Variants in FLT3LG observed in about 807,000 individuals in gnomAD.
FLT3LG encodes fms-related tyrosine kinase 3 ligand.
Under a neutral mutation model 30.9 loss-of-function variants are expected in FLT3LG, and 8 were observed. The observed-to-expected ratio is 0.26, with a 90% CI of 0.15 to 0.47. The LOEUF (loss-of-function observed/expected upper bound fraction) is 0.47, where lower values mean the gene tolerates loss of function less well. Ranked by LOEUF, FLT3LG falls within the 20% of genes least tolerant of loss-of-function variation. FLT3LG has a pLI of 0.99. For synonymous variants in FLT3LG, 123 were observed against 135.9 expected (o/e 0.91, Z 0.66); for missense variants, 278 against 306.2 (o/e 0.91, Z 0.69).
intron 8 of FLT3LG, among the ~76,000 whole-genome samples, chr19:49,485,186 A>G (rs1251538618): frequency 6.6e-6 from 1 of 151,394 alleles, no homozygotes; most frequent in Non-Finnish European, 1.5e-5. Context: ...CAGTATTCAC[A>G]TGTGGCTTGT....
intron 5 of FLT3LG, among the ~76,000 whole-genome samples, chr19:49,478,080 C>T (rs540914419): frequency 2.7e-4 from 41 of 151,398 alleles, no homozygotes; most frequent in Non-Finnish European, 4.0e-4. Flanking sequence ...TTTGGGAGGC[C>T]GAGGCGGGCG....
intron 2 of FLT3LG, 36 bp from the exon 3 acceptor site, chr19:49,475,655 C>A: frequency 6.3e-7 from 1 of 1,594,986 alleles, no homozygotes; most frequent in Non-Finnish European, 8.5e-7. Flanking sequence ...GTGTGTGGAA[C>A]AGCAGAGGGC....
At position 49,476,563 on chromosome 19, in the gene FLT3LG, T is replaced by C. The variant is rs2079401997; in HGVS notation, c.339T>C (p.Phe113=). ...TACACTTTGTCACCAAATGTGCCTT[T>C]CAGGTCAGCCCTCAACTTAGGGGAC... ...TEIHFVTKCA[F]QPPPSCLRFV... is the part of the protein sequence containing the mutation. The change falls in exon 5 of 9, where the codon TTT becomes TTC. Residue 113 remains phenylalanine (F), a synonymous_variant. Transcript: ENST00000597551. This position sits in a 1 kb window ranked among gnomAD's most constrained non-coding sequence, Gnocchi z 5.3. The C allele has an allele frequency of 6.2e-7, 1 of 1,613,950 alleles. No homozygotes were observed. Among genetic ancestry groups the C allele is most frequent in the South Asian group, 1.1e-5 (1 of 91,076 alleles).
At chr19:49,474,993 G>C (rs114714973) in intron 2 of FLT3LG, among the ~76,000 whole-genome samples, 132 of 117,960 alleles carry the variant, frequency 1.1e-3, no homozygotes, top group African/African-American at 4.5e-3. Context: ...AGGAGAGGGA[G>C]ATAAAGAGGA....
At chr19:49,483,903 C>A in intron 8 of FLT3LG, among the ~76,000 whole-genome samples, 1 of 146,956 alleles carries the variant, frequency 6.8e-6, no homozygotes, top group African/African-American at 2.5e-5. Flanking sequence ...GATCAAAGAC[C>A]AGTATCTAAA....
intron 8 of FLT3LG, among the ~76,000 whole-genome samples, chr19:49,485,423 TTTTG>T (rs1362844854): frequency 6.6e-6 from 1 of 151,606 alleles, no homozygotes; most frequent in Non-Finnish European, 1.5e-5. Flanking sequence ...CAAATTTTGT[TTTTG>T]TTTTTGTTTT....
chr19:49,476,004 G>A lies in FLT3LG; in HGVS notation c.145-141G>A. 9.1e-7 allele frequency: 1 copy of A among 1,097,480 alleles called. No individual in the cohort carries two copies. The highest frequency in any genetic ancestry group is 1.4e-6 in the Non-Finnish European group (1 of 726,712). 68.0% of individuals were successfully genotyped at this position (1,097,480 alleles called of 1,614,324 possible). ...CTTAGGGGTGTCATCCCTTTTTAAGGGCAAGGTTCTGTGGCTTCTTCTGGG... is the reference window on the plus strand; with the variant it reads ...CTTAGGGGTGTCATCCCTTTTTAAGAGCAAGGTTCTGTGGCTTCTTCTGGG... On this transcript the variant is annotated intron_variant, in intron 3 of 8. Transcript: ENST00000597551. The surrounding 1 kb of genome is among the most constrained non-coding windows in gnomAD (Gnocchi z 5.3).
chr19:49,476,215 G>C lies in FLT3LG; in HGVS notation c.198+17G>C. 1 of 1,603,148 alleles carries C rather than the reference G, an allele frequency of 6.2e-7. No individual in the cohort carries two copies. Among genetic ancestry groups the C allele is most frequent in the Non-Finnish European group, 8.5e-7 (1 of 1,171,960 alleles). On this transcript the variant is annotated intron_variant, in intron 4 of 8. Transcript: ENST00000597551. The surrounding 1 kb of genome is among the most constrained non-coding windows in gnomAD (Gnocchi z 5.3). ...CTGCAGGACGTAAGTCATGTTGGGAGGGACCTGGGATGGAGGTGGGGACCA... is the reference window on the plus strand; with the variant it reads ...CTGCAGGACGTAAGTCATGTTGGGACGGACCTGGGATGGAGGTGGGGACCA...
chr19:49,482,987 A>C (rs1339494919), intron 8 of FLT3LG, among the ~76,000 whole-genome samples: 1 of 152,100 alleles, frequency 6.6e-6, no homozygotes, highest in Non-Finnish European at 1.5e-5. Flanking sequence ...TATATCCAAA[A>C]TGTTGTTATT....
chr19:49,478,168 A>G (rs1473165338), intron 5 of FLT3LG, among the ~76,000 whole-genome samples: 1 of 146,622 alleles, frequency 6.8e-6, no homozygotes, highest in Non-Finnish European at 1.5e-5. Context: ...ATATAAATAA[A>G]TAAATAAATA....
rs528608525 is a variant in FLT3LG at position 49,484,937 on chromosome 19, G to T, written c.*22-1078G>T. On this transcript the variant is annotated intron_variant, in intron 8 of 8. Transcript: ENST00000597551. ...CCGTCTCTACTAAAAATATAAAAATGAGCTGGGCATGGTGGCGTGCACCCG... is the reference window on the plus strand; with the variant it reads ...CCGTCTCTACTAAAAATATAAAAATTAGCTGGGCATGGTGGCGTGCACCCG... Among the ~76,000 whole-genome samples the T allele has an allele frequency of 4.6e-3, 699 of 152,162 alleles. 2 individuals carry two copies. The highest frequency in any genetic ancestry group is 0.016 in the African/African-American group (671 of 41,544).
At chr19:49,479,072 T>C in intron 6 of FLT3LG, 25 bp downstream of exon 6, 1 of 1,591,034 alleles carries the variant, frequency 6.3e-7, no homozygotes, top group Non-Finnish European at 8.6e-7. Context: ...GCACCCCCAC[T>C]CCTTCCCCTC....
At chr19:49,479,090 C>G in intron 6 of FLT3LG, 43 bp downstream of exon 6, 1 of 1,569,022 alleles carries the variant, frequency 6.4e-7, no homozygotes, top group Non-Finnish European at 8.7e-7. Context: ...CTCCTGTCCT[C>G]ACGGCCGCTC....
intron 6 of FLT3LG, 73 bp from the exon 7 acceptor site, chr19:49,480,225 G>A: frequency 1.8e-6 from 2 of 1,140,338 alleles, no homozygotes; most frequent in Non-Finnish European, 2.5e-6. Flanking sequence ...CACAGCCAGT[G>A]GCAGCCAGGC....
intron 8 of FLT3LG, chr19:49,481,725 T>A (rs978731624): frequency 6.6e-6 from 1 of 152,362 alleles, no homozygotes; most frequent in Non-Finnish European, 1.5e-5. Context: ...GGACTCTCAC[T>A]CTGTCACCCA....
At chr19:49,484,876 A>G (rs2079749494) in intron 8 of FLT3LG, among the ~76,000 whole-genome samples, 1 of 152,078 alleles carries the variant, frequency 6.6e-6, no homozygotes. Flanking sequence ...CTTGAGCCTA[A>G]GAGTTCAAGA....
chr19:49,479,192 CA>C (rs1329483500), intron 6 of FLT3LG, 145 bp downstream of exon 6: 7 of 666,382 alleles, frequency 1.1e-5, no homozygotes, highest in South Asian at 3.6e-5. Context: ...CTCAGTTTAC[CA>C]ATTTTTTTTT....
chr19:49,474,252 C>T lies in FLT3LG; in HGVS notation c.-67C>T. On this transcript the variant is annotated 5_prime_UTR_variant, in exon 1 of 9. Transcript: ENST00000597551. ...GGTCTCTGGCTGTCACCCGGCTTGGCCCCTTCCACACCCAACTGGGGCAAG... is the reference window on the plus strand; with the variant it reads ...GGTCTCTGGCTGTCACCCGGCTTGGTCCCTTCCACACCCAACTGGGGCAAG... 1 of 300,290 alleles carries T rather than the reference C, an allele frequency of 3.3e-6. No individual in the cohort carries two copies. Among genetic ancestry groups the T allele is most frequent in the Non-Finnish European group, 6.3e-6 (1 of 159,496 alleles). The allele number at this position is 300,290 out of a possible 1,614,324, so 18.6% of individuals were successfully genotyped here.
intron 8 of FLT3LG, 138 bp downstream of exon 8, chr19:49,480,758 G>A (rs1410551719): frequency 2.8e-5 from 25 of 886,472 alleles, no homozygotes; most frequent in Non-Finnish European, 3.6e-5. Flanking sequence ...GGGGCCAGGC[G>A]CGGTGGCTCA....
Sources: gnomAD v4.1 joint callset for allele counts (sites outside exome capture counted in the v4.1 genomes callset) on GRCh38, gnomAD v4.1.1 for gene constraint, Gnocchi (gnomAD v3.1) non-coding constraint, MANE v1.5 for transcripts, NCBI Gene and HGNC (gene_info 2026-07-23, HGNC 2026-07-21) for gene names.